CIT: variants seen among roughly 807,000 people sequenced by gnomAD.
The protein encoded by CIT is citron rho-interacting serine/threonine kinase.
A neutral mutation model predicts 272.7 loss-of-function variants in CIT; 79 were observed. The observed-to-expected ratio is 0.29, with a 90% CI of 0.24 to 0.35. The LOEUF is 0.35. CIT is among the 10% of genes least tolerant of loss of function. CIT has a pLI of 1.00. For missense variants in CIT, 1,909 were observed against 2,618.3 expected (o/e 0.73, Z 5.91); for synonymous variants, 948 against 995.6 (o/e 0.95, Z 0.90).
In CIT at chr12:119,730,569, G is replaced by T. The variant is rs1958381210; in HGVS notation, c.3412C>A (p.His1138Asn). Residue 1138 changes from histidine (H) to asparagine (N), a missense_variant, in exon 27 of 48, where the codon CAC (histidine) becomes AAC (asparagine). Transcript: ENST00000392521. The part of the protein sequence containing the change: ...RQVVELAVKE[H>N]KAEILALQQA... ...TGCAGAGCGAGAATCTCAGCCTTGT[G>T]CTCCTTCACTGCCAGCTCCACCACC... 6.2e-7 allele frequency: 1 copy of T among 1,614,126 alleles called. No homozygotes were observed. Among genetic ancestry groups the T allele is most frequent in the Non-Finnish European group, 8.5e-7 (1 of 1,179,982 alleles).
chr12:119,709,785 AGAGTGTGTGTGTGTGTGTGTGTGTGT>A (rs1957065713), intron 39 of CIT, among the ~76,000 whole-genome samples: 1 of 52,442 alleles, frequency 1.9e-5, no homozygotes. Context: ...AGAGAGAGAG[AGAGTGTGTGTGTGTGTGTGTGTGTGT>A]GTGTGTGTGT....
At chr12:119,843,578 G>A (rs936284426) in intron 5 of CIT, among the ~76,000 whole-genome samples, 1 of 152,134 alleles carries the variant, frequency 6.6e-6, no homozygotes, top group East Asian at 1.9e-4. Context: ...TTGGGAGGCC[G>A]AGGAGGGAAG....
At chr12:119,860,812 T>C (rs998369705) in intron 3 of CIT, among the ~76,000 whole-genome samples, 11 of 148,396 alleles carry the variant, frequency 7.4e-5, no homozygotes, top group Admixed American at 1.3e-4. Context: ...CATTCAAGCC[T>C]ATGATTACTT....
At chr12:119,747,588 C>T (rs116862713) in intron 23 of CIT, among the ~76,000 whole-genome samples, 2,473 of 151,612 alleles carry the variant, frequency 0.016, 40 homozygotes, top group Non-Finnish European at 0.028. Context: ...GCGTGGTGGG[C>T]GAGCACCTGT....
intron 44 of CIT, among the ~76,000 whole-genome samples, chr12:119,699,561 G>C (rs1342305398): frequency 6.6e-6 from 1 of 152,202 alleles, no homozygotes. Flanking sequence ...TGGTGGAAGT[G>C]AGCACGCTTG....
rs549527403 is a variant in CIT at position 119,739,380 on chromosome 12, T to A, written c.2958+3031A>T. ...TTTTGAAAGCTGAAGAGAGCTCCTA[T>A]CAATTGAGTTATTATGGGAGTTGTG... On this transcript the variant is annotated intron_variant, in intron 24 of 47. Coordinates refer to ENST00000392521, the MANE Select transcript of CIT (RefSeq NM_001206999.2). 9.9e-5 allele frequency among the ~76,000 whole-genome samples: 15 copies of A among 152,234 alleles called. No individual in the cohort carries two copies. The East Asian group carries it at 2.9e-3, about 29-fold the overall frequency.
intron 18 of CIT, among the ~76,000 whole-genome samples, chr12:119,769,961 C>T (rs1021675344): frequency 1.3e-5 from 2 of 152,086 alleles, no homozygotes; most frequent in African/African-American, 4.8e-5. Flanking sequence ...ACCTTGCCTC[C>T]TTAGGGTGGA....
intron 23 of CIT, among the ~76,000 whole-genome samples, chr12:119,744,371 G>T (rs901361671): frequency 4.6e-5 from 7 of 151,744 alleles, no homozygotes; most frequent in Admixed American, 3.3e-4. Context: ...CCAGTTTAGG[G>T]CAGATGTAAG....
At chr12:119,701,824 G>T (rs375663799) in intron 42 of CIT, 26 bp downstream of exon 42, 13 of 1,613,912 alleles carry the variant, frequency 8.1e-6, no homozygotes, top group East Asian at 6.7e-5. Context: ...GCCATGGGTG[G>T]GTGCGAAAGT....
intron 4 of CIT, among the ~76,000 whole-genome samples, chr12:119,856,874 C>T (rs1211294979): frequency 6.6e-6 from 1 of 152,192 alleles, no homozygotes; most frequent in African/African-American, 2.4e-5. Context: ...AAGCTTCCTG[C>T]AGAGCTGGGT....
chr12:119,742,069 C>T (rs1317856271), intron 24 of CIT, among the ~76,000 whole-genome samples: 1 of 152,140 alleles, frequency 6.6e-6, no homozygotes, highest in Non-Finnish European at 1.5e-5. Context: ...CTGGGCTAGC[C>T]ATGGAACCTT....
At position 119,710,799 on chromosome 12, in the gene CIT, C is replaced by G. The variant is rs1037046280; in HGVS notation, c.4855-179G>C. On this transcript the variant is annotated intron_variant, in intron 37 of 47. Coordinates refer to ENST00000392521, the MANE Select transcript of CIT (RefSeq NM_001206999.2). The surrounding 1 kb of genome is among the most constrained non-coding windows in gnomAD (Gnocchi z 5.6). ...TGATCTGAGCTCCAAATGCAAAATG[C>G]GAGTGCTATTGGTATCTCTGGGGCA... 4.4e-6 allele frequency: 3 copies of G among 683,946 alleles called. No homozygotes were observed. The highest frequency in any genetic ancestry group is 7.4e-6 in the Non-Finnish European group (3 of 403,114). The allele number at this position is 683,946 out of a possible 1,614,324, so 42.4% of individuals were successfully genotyped here. A position where few individuals can be genotyped will look rare whatever the true frequency, so the allele number is the denominator to read the frequency against.
intron 40 of CIT, among the ~76,000 whole-genome samples, chr12:119,706,621 T>C (rs1000647817): frequency 1.3e-5 from 2 of 152,242 alleles, no homozygotes; most frequent in Admixed American, 6.5e-5. Context: ...CATGATCTCA[T>C]TCTTTTTTAG....
At position 119,698,050 on chromosome 12, in the gene CIT, G is replaced by A. The variant is rs754240898; in HGVS notation, c.5628C>T (p.Tyr1876=). 14 of 1,614,106 alleles carry A rather than the reference G, an allele frequency of 8.7e-6. No individual in the cohort carries two copies. Among genetic ancestry groups the A allele is most frequent in the Non-Finnish European group, 1.2e-5 (14 of 1,179,964 alleles). Residue 1876 remains tyrosine (Y), a synonymous_variant, in exon 45 of 48, where the codon TAC becomes TAT. Transcript: ENST00000392521. ...KWSRLPLAFA[Y]REPYLFVTHF... The stretch of plus-strand genomic sequence containing the variant: ...GGGTCACAAACAGATAGGGTTCTCT[G>A]TAGGCTGTGTGATCACCATGCAGGC...
In CIT at chr12:119,825,200, A is replaced by AG. The variant is rs1566094445; in HGVS notation, c.921dup (p.Ser308LeufsTer7). 1.2e-6 allele frequency: 2 copies of AG among 1,614,082 alleles called. No individual in the cohort carries two copies. Among genetic ancestry groups the AG allele is most frequent in the Non-Finnish European group, 1.7e-6 (2 of 1,179,996 alleles). ...ATAATGTTATTGAAGGTTCTGGCAG[A>AG]GGTTCCCTCTGCGAAGGGGGATCTC... On this transcript the variant is annotated frameshift_variant, in exon 8 of 48. Transcript: ENST00000392521. LOFTEE classifies it high-confidence loss of function.
chr12:119,798,358 T>C (rs929390299), intron 10 of CIT, among the ~76,000 whole-genome samples: 6 of 152,228 alleles, frequency 3.9e-5, no homozygotes, highest in Non-Finnish European at 8.8e-5. Flanking sequence ...AGGGTTCAAA[T>C]CTCAGCTAAG....
At chr12:119,849,225 G>A (rs942832451) in intron 5 of CIT, among the ~76,000 whole-genome samples, 8 of 152,174 alleles carry the variant, frequency 5.3e-5, no homozygotes, top group Admixed American at 3.3e-4. Flanking sequence ...TCAGGAGTTT[G>A]CGGCCAGCCC....
chr12:119,840,983 C>A (rs1257872752), intron 5 of CIT, among the ~76,000 whole-genome samples: 1 of 152,062 alleles, frequency 6.6e-6, no homozygotes, highest in Non-Finnish European at 1.5e-5. Context: ...ACAAACGCTG[C>A]CCATAAAATT....
Position 119,701,612 on chromosome 12 carries a change from G to C in CIT, c.5542+12C>G, listed in dbSNP as rs920309812. 2.5e-6 allele frequency: 4 copies of C among 1,612,380 alleles called. No homozygotes were observed. The highest frequency in any genetic ancestry group is 1.3e-5 in the African/African-American group (1 of 74,892). On this transcript the variant is annotated intron_variant, in intron 43 of 47. Coordinates refer to ENST00000392521, the MANE Select transcript of CIT (RefSeq NM_001206999.2). Reference sequence around the variant, plus strand: ...AGGACCCAAAAGGGCAGTGGGCGCAGCCACGACTCACCGTGGAAACACAGC... The same window carrying C: ...AGGACCCAAAAGGGCAGTGGGCGCACCCACGACTCACCGTGGAAACACAGC...
Sources: gnomAD v4.1 joint callset for allele counts (sites outside exome capture counted in the v4.1 genomes callset) on GRCh38, gnomAD v4.1.1 for gene constraint, Gnocchi (gnomAD v3.1) non-coding constraint, MANE v1.5 for transcripts, NCBI Gene and HGNC (gene_info 2026-07-23, HGNC 2026-07-21) for gene names.